Variants in HS2ST1 observed in about 807,000 individuals in gnomAD.
The protein encoded by HS2ST1 is 2-O-sulfotransferase.
In HS2ST1, 18 loss-of-function variants were observed where a neutral mutation model predicts 42.9. The ratio of observed to expected loss-of-function variants is 0.42; its 90% CI spans 0.29 to 0.62. The LOEUF is 0.62. HS2ST1 is among the 20% of genes least tolerant of loss of function. The pLI, the probability that HS2ST1 is intolerant of heterozygous loss-of-function variation, is 0.21. For synonymous variants in HS2ST1, 146 were observed against 152.9 expected, an observed-to-expected ratio of 0.95 and a Z score of 0.33; for missense variants, 334 against 433.8, an observed-to-expected ratio of 0.77 and a Z score of 2.04.
intron 1 of HS2ST1, among the ~76,000 whole-genome samples, chr1:87,048,490 AGTCT>A (rs1180206853): frequency 1.3e-5 from 2 of 152,196 alleles, no homozygotes; most frequent in Non-Finnish European, 2.9e-5. Flanking sequence ...GAAAGTATCC[AGTCT>A]GTCTTTCAGT....
At chr1:87,002,725 G>A (rs10747334) in intron 1 of HS2ST1, among the ~76,000 whole-genome samples, 112,197 of 151,872 alleles carry the variant, frequency 0.74, 42,764 homozygotes, top group East Asian at 0.97. Flanking sequence ...TGACCAAAAA[G>A]TTAAAAATTT....
chr1:87,023,196 T>C (rs1047660473), intron 1 of HS2ST1, among the ~76,000 whole-genome samples: 2 of 152,154 alleles, frequency 1.3e-5, no homozygotes, highest in Admixed American at 1.3e-4. Flanking sequence ...GGAAAAAATA[T>C]ACAAAATTTT....
chr1:87,027,164 A>G (rs1650109760), intron 1 of HS2ST1, among the ~76,000 whole-genome samples: 1 of 152,138 alleles, frequency 6.6e-6, no homozygotes, highest in Non-Finnish European at 1.5e-5. Flanking sequence ...TTCCTGTGTT[A>G]TTCCCTTCTT....
At chr1:87,082,945 T>G (rs1197282840) in intron 2 of HS2ST1, among the ~76,000 whole-genome samples, 1 of 152,240 alleles carries the variant, frequency 6.6e-6, no homozygotes, top group East Asian at 1.9e-4. Context: ...AATTTAAGGA[T>G]GTATATGTGT....
intron 1 of HS2ST1, among the ~76,000 whole-genome samples, chr1:87,002,217 A>G (rs989379391): frequency 3.9e-5 from 6 of 152,180 alleles, no homozygotes; most frequent in African/African-American, 1.4e-4. Context: ...CGGCCGGACT[A>G]TTGTATTTTT....
intron 3 of HS2ST1, among the ~76,000 whole-genome samples, chr1:87,090,598 C>A (rs1208662082): frequency 4.6e-5 from 7 of 151,978 alleles, no homozygotes; most frequent in African/African-American, 1.7e-4. Context: ...TTTGTTGTAG[C>A]CCCTCTGTTT....
intron 1 of HS2ST1, among the ~76,000 whole-genome samples, chr1:86,939,713 C>T (rs527354283): frequency 4.5e-4 from 69 of 152,244 alleles, no homozygotes; most frequent in African/African-American, 1.5e-3. Flanking sequence ...CACAATAACA[C>T]GTGTTAAAAT....
intron 1 of HS2ST1, among the ~76,000 whole-genome samples, chr1:87,007,886 A>G (rs369913427): frequency 6.6e-5 from 10 of 152,288 alleles, no homozygotes; most frequent in African/African-American, 2.4e-4. Flanking sequence ...CAACAGTCTC[A>G]ACTGTGTAAT....
intron 5 of HS2ST1, among the ~76,000 whole-genome samples, chr1:87,101,166 T>G (rs1275323288): frequency 1.2e-4 from 15 of 121,566 alleles, no homozygotes; most frequent in African/African-American, 3.1e-4. Context: ...GTTTTTTTTT[T>G]TTTTTTTTTT....
At chr1:87,000,404 C>G (rs766190057) in intron 1 of HS2ST1, among the ~76,000 whole-genome samples, 12 of 152,048 alleles carry the variant, frequency 7.9e-5, no homozygotes, top group Admixed American at 2.0e-4. Context: ...GTATTTCTTA[C>G]CAAAAAGTAT....
intron 2 of HS2ST1, among the ~76,000 whole-genome samples, chr1:87,073,731 T>C (rs556928619): frequency 6.6e-6 from 1 of 152,336 alleles, no homozygotes; most frequent in South Asian, 2.1e-4. Flanking sequence ...TTAAGAAAAG[T>C]AGAGGAAATT....
At chr1:87,013,149 G>A (rs1372593385) in intron 1 of HS2ST1, among the ~76,000 whole-genome samples, 1 of 152,212 alleles carries the variant, frequency 6.6e-6, no homozygotes, top group Non-Finnish European at 1.5e-5. Context: ...TTCCCCAGTG[G>A]GGACTCTGTA....
intron 1 of HS2ST1, among the ~76,000 whole-genome samples, chr1:86,948,220 A>G (rs192748131): frequency 3.9e-5 from 6 of 152,174 alleles, no homozygotes; most frequent in Admixed American, 6.5e-5. Context: ...ATGCTACAGT[A>G]TAAGAAGTAT....
intron 1 of HS2ST1, among the ~76,000 whole-genome samples, chr1:87,050,275 A>T (rs1650799326): frequency 6.6e-6 from 1 of 152,056 alleles, no homozygotes; most frequent in South Asian, 2.1e-4. Context: ...TATAAATGTT[A>T]GTAATTATAA....
intron 1 of HS2ST1, among the ~76,000 whole-genome samples, chr1:86,982,927 C>A (rs1242984464): frequency 2.0e-5 from 3 of 152,208 alleles, no homozygotes; most frequent in African/African-American, 4.8e-5. Context: ...GAAAATGCCA[C>A]CAGTCTCTTT....
rs533517671 is a variant in HS2ST1 at position 87,105,531 on chromosome 1, A to G, written c.*835A>G. On this transcript the variant is annotated 3_prime_UTR_variant, in exon 7 of 7. Transcript: ENST00000370550. ...GGTGACTCCGTATTATGACTCCATT[A>G]GTGAGCTGTGGTATGGGTAGGATTT... The G allele has an allele frequency of 2.0e-5, 3 of 152,426 alleles. No individual in the cohort carries two copies. The South Asian group carries it at 6.2e-4, about 32-fold the overall frequency. 9.4% of individuals were successfully genotyped at this position (152,426 alleles called of 1,614,324 possible). A position where few individuals can be genotyped will look rare whatever the true frequency, so the allele number is the denominator to read the frequency against.
rs148137735 is a variant in HS2ST1 at position 87,089,027 on chromosome 1, A to G, written c.450-3504A>G. Among the ~76,000 whole-genome samples the G allele has an allele frequency of 2.9e-3, 447 of 152,170 alleles. 1 individual carries two copies. Among genetic ancestry groups the G allele is most frequent in the Non-Finnish European group, 4.7e-3 (319 of 67,948 alleles). On this transcript the variant is annotated intron_variant, in intron 3 of 6. Transcript: ENST00000370550. ...GTATGAAGCAGAAAGATTTCAAAAC[A>G]TAATGATTCCCAAAGGCCATTCAGC...
At chr1:86,935,455 CTTTTT>C (rs552713297) in intron 1 of HS2ST1, among the ~76,000 whole-genome samples, 2 of 62,062 alleles carry the variant, frequency 3.2e-5, no homozygotes, top group African/African-American at 1.5e-4. Flanking sequence ...TCTTTTTCTC[CTTTTT>C]TTTTTTTTTT....
intron 5 of HS2ST1, chr1:87,098,363 A>G (rs1652120074): frequency 3.1e-6 from 3 of 977,448 alleles, no homozygotes; most frequent in Non-Finnish European, 3.6e-6. Flanking sequence ...AAGAGAAGCC[A>G]AGGTTATGGC....
Sources: allele counts gnomAD v4.1 joint callset (sites outside exome capture counted in the v4.1 genomes callset), GRCh38; gene constraint gnomAD v4.1.1; transcripts MANE v1.5; gene names NCBI Gene and HGNC (gene_info 2026-07-23, HGNC 2026-07-21).